The following PTPRM variants were observed in gnomAD, a reference collection of about 807,000 sequenced individuals.
The protein encoded by PTPRM is protein tyrosine phosphatase receptor type M, also known as receptor-type tyrosine-protein phosphatase mu.
A neutral mutation model predicts 186.7 loss-of-function variants in PTPRM; 47 were observed. The observed-to-expected ratio is 0.25, with a 90% CI of 0.20 to 0.32. The LOEUF (loss-of-function observed/expected upper bound fraction) is 0.32, where lower values mean the gene tolerates loss of function less well. Ranked by LOEUF, PTPRM falls within the 10% of genes least tolerant of loss-of-function variation. The probability of loss-of-function intolerance (pLI) is 1.00; values close to 1 mark genes in which losing one functional copy is unlikely to be tolerated. For missense variants in PTPRM, 1,494 were observed against 1,865.0 expected, an observed-to-expected ratio of 0.80 and a Z score of 3.66; for synonymous variants, 668 against 674.9, an observed-to-expected ratio of 0.99 and a Z score of 0.16.
chr18:7,891,008 G>A (rs61498387), intron 3 of PTPRM, among the ~76,000 whole-genome samples: 3,412 of 152,140 alleles, frequency 0.022, 122 homozygotes, highest in African/African-American at 0.078. Flanking sequence ...AGGGCACAGC[G>A]GCTCAAGCCT....
chr18:8,220,392 A>T (rs1014816145), intron 14 of PTPRM, among the ~76,000 whole-genome samples: 1 of 152,194 alleles, frequency 6.6e-6, no homozygotes, highest in Non-Finnish European at 1.5e-5. Context: ...CAGTCATAAG[A>T]TACTCTTACT....
At chr18:7,891,666 C>T (rs1416324365) in intron 3 of PTPRM, among the ~76,000 whole-genome samples, 2 of 151,808 alleles carry the variant, frequency 1.3e-5, no homozygotes, top group Non-Finnish European at 2.9e-5. Context: ...CTTGAGGTCA[C>T]GAGTTCAGGA....
intron 22 of PTPRM, among the ~76,000 whole-genome samples, chr18:8,338,102 G>C (rs16953309): frequency 0.073 from 11,040 of 151,874 alleles, 430 homozygotes; most frequent in South Asian, 0.099. Context: ...TGGAGTGGAG[G>C]AAACAGGGTG....
At chr18:7,682,751 G>A (rs1250929930) in intron 1 of PTPRM, among the ~76,000 whole-genome samples, 4 of 152,158 alleles carry the variant, frequency 2.6e-5, no homozygotes, top group African/African-American at 9.7e-5. Flanking sequence ...CAAATAATTT[G>A]CTGAAGGGGC....
At chr18:7,864,833 G>A (rs1482670856) in intron 2 of PTPRM, among the ~76,000 whole-genome samples, 1 of 152,148 alleles carries the variant, frequency 6.6e-6, no homozygotes, top group Non-Finnish European at 1.5e-5. Context: ...CCATGAGTAT[G>A]GAATGTTTGT....
At chr18:8,053,477 A>T (rs2087662257) in intron 7 of PTPRM, among the ~76,000 whole-genome samples, 1 of 152,066 alleles carries the variant, frequency 6.6e-6, no homozygotes, top group Non-Finnish European at 1.5e-5. Context: ...CAGAAACACC[A>T]CCTCTATCAT....
rs115291410 is a variant in PTPRM at position 8,185,642 on chromosome 18, G to A, written c.2300+41863G>A. The stretch of plus-strand genomic sequence containing the variant: ...TTTGAACTGTTCATCTCTATGACCC[G>A]TCTTTGTGTGTCTTGTTAATAGATG... On this transcript the variant is annotated intron_variant, in intron 14 of 32. Transcript: ENST00000580170. Among the ~76,000 whole-genome samples the A allele has an allele frequency of 3.7e-3, 561 of 152,296 alleles. 4 individuals are homozygous for A. Among genetic ancestry groups the A allele is most frequent in the African/African-American group, 0.013 (530 of 41,572 alleles).
intron 1 of PTPRM, among the ~76,000 whole-genome samples, chr18:7,643,033 AT>A (rs1741296963): frequency 6.6e-6 from 1 of 151,906 alleles, no homozygotes; most frequent in African/African-American, 2.4e-5. Flanking sequence ...TTAGTATAAT[AT>A]TTTATAAAAT....
At chr18:8,358,808 G>A (rs1322526783) in intron 23 of PTPRM, among the ~76,000 whole-genome samples, 2 of 152,324 alleles carry the variant, frequency 1.3e-5, no homozygotes, top group South Asian at 2.1e-4. Flanking sequence ...GACTGTTTCA[G>A]GAGAGGTGGA....
chr18:8,356,933 A>G (rs1262522610), intron 23 of PTPRM, among the ~76,000 whole-genome samples: 1 of 152,228 alleles, frequency 6.6e-6, no homozygotes, highest in East Asian at 1.9e-4. Context: ...CCATGTTTAT[A>G]TGAGAGATAT....
chr18:8,126,025 A>ATTTTTTT lies in PTPRM; in HGVS notation c.2167+11199_2167+11200insTTTTTTT, dbSNP rs1215694977. On this transcript the variant is annotated intron_variant, in intron 13 of 32. Coordinates refer to ENST00000580170, the MANE Select transcript of PTPRM (RefSeq NM_001105244.2). ...TATATATATATATATATATATATAT[A>ATTTTTTT]TATTTTAAATCAGTAGACCTTTCCA... 8.4e-3 allele frequency among the ~76,000 whole-genome samples: 481 copies of ATTTTTTT among 57,176 alleles called. 23 individuals are homozygous for ATTTTTTT. Among genetic ancestry groups the ATTTTTTT allele is most frequent in the Middle Eastern group, 0.013 (1 of 76 alleles). 37.5% of individuals were successfully genotyped at this position (57,176 alleles called of 152,430 possible). A position where few individuals can be genotyped will look rare whatever the true frequency, so the allele number is the denominator to read the frequency against.
intron 2 of PTPRM, among the ~76,000 whole-genome samples, chr18:7,841,738 C>CTGAAGGT (rs1400536477): frequency 3.3e-5 from 5 of 152,124 alleles, no homozygotes; most frequent in Non-Finnish European, 5.9e-5. Flanking sequence ...AAATGCCTTA[C>CTGAAGGT]ACTACTGAAG....
rs548929891 is a variant in PTPRM, at chr18:7,786,447, G to A, written c.196+12176G>A. Among the ~76,000 whole-genome samples the A allele has an allele frequency of 1.7e-3, 258 of 152,186 alleles. 1 individual carries two copies. Among genetic ancestry groups the A allele is most frequent in the African/African-American group, 6.0e-3 (251 of 41,520 alleles). ...TCTTAATTGTATATTTCCTTGCTTT[G>A]TATCTTTCCTTGAAAGAGGTATCTT... On this transcript the variant is annotated intron_variant, in intron 2 of 32. Coordinates refer to ENST00000580170, the MANE Select transcript of PTPRM (RefSeq NM_001105244.2).
intron 1 of PTPRM, among the ~76,000 whole-genome samples, chr18:7,603,667 C>G (rs2037461036): frequency 6.6e-6 from 1 of 152,248 alleles, no homozygotes. Flanking sequence ...TTCTGTAATG[C>G]CAGTTGGTAG....
At chr18:8,239,997 G>C (rs186958468) in intron 14 of PTPRM, among the ~76,000 whole-genome samples, 1 of 152,274 alleles carries the variant, frequency 6.6e-6, no homozygotes, top group Admixed American at 6.5e-5. Context: ...CTTTACATAA[G>C]ATTGCAAAGA....
At chr18:7,785,244 A>G (rs2043043959) in intron 2 of PTPRM, among the ~76,000 whole-genome samples, 1 of 152,192 alleles carries the variant, frequency 6.6e-6, no homozygotes, top group Non-Finnish European at 1.5e-5. Flanking sequence ...TTAACTGAGT[A>G]TGTGTAGAGG....
chr18:8,318,943 C>T (rs139710183), intron 21 of PTPRM, among the ~76,000 whole-genome samples: 3 of 152,238 alleles, frequency 2.0e-5, no homozygotes, highest in African/African-American at 7.2e-5. Context: ...TCCATCATCT[C>T]ATAGCCAGTT....
intron 2 of PTPRM, among the ~76,000 whole-genome samples, chr18:7,790,540 AT>A (rs1230995740): frequency 1.3e-5 from 2 of 152,200 alleles, no homozygotes; most frequent in East Asian, 3.9e-4. Context: ...TAACAGTCTT[AT>A]TTTGAAAGGG....
intron 1 of PTPRM, among the ~76,000 whole-genome samples, chr18:7,596,668 A>G (rs2037269647): frequency 6.6e-6 from 1 of 152,126 alleles, no homozygotes; most frequent in Non-Finnish European, 1.5e-5. Flanking sequence ...GATCCACCAA[A>G]TAGGTCTTGG....
Sources: gnomAD v4.1 joint callset for allele counts (sites outside exome capture counted in the v4.1 genomes callset) on GRCh38, gnomAD v4.1.1 for gene constraint, MANE v1.5 for transcripts, NCBI Gene and HGNC (gene_info 2026-07-23, HGNC 2026-07-21) for gene names.